The following ECPAS variants were observed in gnomAD, a reference collection of about 807,000 sequenced individuals.
ECPAS encodes proteasome adapter and scaffold protein ECM29.
Under a neutral mutation model 255.1 loss-of-function variants are expected in ECPAS, and 70 were observed. The ratio of observed to expected loss-of-function variants is 0.27; its 90% CI spans 0.23 to 0.33. The LOEUF is 0.33. ECPAS is among the 10% of genes least tolerant of loss of function. The pLI is 1.00. For synonymous variants in ECPAS, 784 were observed against 775.0 expected, an observed-to-expected ratio of 1.01 and a Z score of -0.19; for missense variants, 1,817 against 2,206.4, an observed-to-expected ratio of 0.82 and a Z score of 3.54.
At chr9:111,483,242 C>A (rs1166507047) in intron 1 of ECPAS, among the ~76,000 whole-genome samples, 2 of 152,062 alleles carry the variant, frequency 1.3e-5, no homozygotes, top group Admixed American at 6.5e-5. Flanking sequence ...CGGGCCAGGG[C>A]GGATCGCGGG....
At chr9:111,402,294 G>T (rs2098177372) in intron 24 of ECPAS, among the ~76,000 whole-genome samples, 1 of 152,032 alleles carries the variant, frequency 6.6e-6, no homozygotes, top group Non-Finnish European at 1.5e-5. Context: ...GACTTTCCTG[G>T]GTAAACAAAA....
intron 48 of ECPAS, among the ~76,000 whole-genome samples, chr9:111,364,593 C>T (rs1022285925): frequency 1.3e-5 from 2 of 152,082 alleles, no homozygotes; most frequent in Non-Finnish European, 2.9e-5. Context: ...GAAGAATCAT[C>T]AATGCATGCT....
chr9:111,425,558 G>A (rs935505004), intron 11 of ECPAS, 62 bp from the exon 12 acceptor site: 1 of 1,207,864 alleles, frequency 8.3e-7, no homozygotes, highest in African/African-American at 1.5e-5. Flanking sequence ...TATCTTTACG[G>A]ATGATTACAT....
At chr9:111,380,063 A>G (rs563166702) in intron 35 of ECPAS, among the ~76,000 whole-genome samples, 23 of 152,338 alleles carry the variant, frequency 1.5e-4, no homozygotes, top group South Asian at 1.4e-3. Flanking sequence ...AAGGTTTTCA[A>G]TTTACTTTGC....
chr9:111,399,501 G>A (rs1207273462), intron 24 of ECPAS, among the ~76,000 whole-genome samples: 1 of 152,202 alleles, frequency 6.6e-6, no homozygotes, highest in Non-Finnish European at 1.5e-5. Context: ...CACAGCATCA[G>A]GCAGAATTCT....
intron 25 of ECPAS, among the ~76,000 whole-genome samples, chr9:111,396,040 TA>T (rs1347245832): frequency 6.6e-6 from 1 of 152,224 alleles, no homozygotes; most frequent in African/African-American, 2.4e-5. Context: ...AGTTAAATGT[TA>T]ACTGTAACAC....
intron 2 of ECPAS, among the ~76,000 whole-genome samples, chr9:111,469,764 G>A (rs961029986): frequency 2.0e-5 from 3 of 151,722 alleles, no homozygotes; most frequent in African/African-American, 4.8e-5. Context: ...AGCCGAGATC[G>A]CGCCACTGCA....
At chr9:111,458,655 G>C (rs1455786185) in intron 2 of ECPAS, among the ~76,000 whole-genome samples, 1 of 151,810 alleles carries the variant, frequency 6.6e-6, no homozygotes, top group East Asian at 1.9e-4. Flanking sequence ...AGGGTGGGGG[G>C]GGTGTTAGAA....
intron 30 of ECPAS, 90 bp from the exon 31 acceptor site, chr9:111,389,813 A>G: frequency 7.5e-7 from 1 of 1,333,186 alleles, no homozygotes. Context: ...TTATGCCTAA[A>G]TACAGCCTGA....
chr9:111,366,430 A>C, intron 47 of ECPAS, 92 bp downstream of exon 47: 5 of 1,271,444 alleles, frequency 3.9e-6, no homozygotes, highest in Non-Finnish European at 5.6e-6. Flanking sequence ...CACTTTAGCT[A>C]CCAGTTTTTA....
chr9:111,478,683 G>A (rs2098299685), intron 1 of ECPAS, among the ~76,000 whole-genome samples: 1 of 152,130 alleles, frequency 6.6e-6, no homozygotes, highest in African/African-American at 2.4e-5. Context: ...ATGCAAGGCA[G>A]AAAATGTTCA....
chr9:111,411,180 C>T, intron 21 of ECPAS, 38 bp from the exon 22 acceptor site: 1 of 1,601,398 alleles, frequency 6.2e-7, no homozygotes, highest in East Asian at 2.2e-5. Context: ...CTCTGGCTCT[C>T]TCTCATATAC....
At chr9:111,362,244 A>G in intron 49 of ECPAS, 75 bp from the exon 50 acceptor site, 1 of 1,316,276 alleles carries the variant, frequency 7.6e-7, no homozygotes, top group Non-Finnish European at 1.0e-6. Flanking sequence ...AAGAATCCTT[A>G]TAGAACAAGC....
At position 111,372,688 on chromosome 9, in the gene ECPAS, A is replaced by T. The variant is rs529751856; in HGVS notation, c.4337-68T>A. ...TAAGGGTAACTGATCTAAACAGGCTATTGTTCAACTCATATAATAGCAAAA... is the reference window on the plus strand; with the variant it reads ...TAAGGGTAACTGATCTAAACAGGCTTTTGTTCAACTCATATAATAGCAAAA... On this transcript the variant is annotated intron_variant, in intron 41 of 49. Coordinates refer to ENST00000684092, the MANE Select transcript of ECPAS (RefSeq NM_001364929.1). 92 of 1,203,336 alleles carry T rather than the reference A, an allele frequency of 7.6e-5. No individual in the cohort carries two copies. The East Asian group carries it at 2.3e-3, about 29-fold the overall frequency. 74.5% of individuals were successfully genotyped at this position (1,203,336 alleles called of 1,614,324 possible). A position where few individuals can be genotyped will look rare whatever the true frequency, so the allele number is the denominator to read the frequency against.
chr9:111,477,033 G>A (rs1313315633), intron 1 of ECPAS, among the ~76,000 whole-genome samples: 1 of 150,944 alleles, frequency 6.6e-6, no homozygotes, highest in East Asian at 2.0e-4. Context: ...AACTCCCAAC[G>A]TCAGGTGATC....
chr9:111,438,104 C>T lies in ECPAS; in HGVS notation c.540-996G>A, dbSNP rs186291933. On this transcript the variant is annotated intron_variant, in intron 6 of 49. Coordinates refer to ENST00000684092, the MANE Select transcript of ECPAS (RefSeq NM_001364929.1). ...CTTTAATGTTATTATATAAATGACC[C>T]AAGTTCTCATTAGTAAGAAAAATGT... 5.3e-4 allele frequency among the ~76,000 whole-genome samples: 81 copies of T among 152,068 alleles called. 1 individual carries two copies. Among genetic ancestry groups the T allele is most frequent in the African/African-American group, 1.8e-3 (75 of 41,482 alleles).
chr9:111,366,925 T>C (rs568966721), intron 46 of ECPAS, among the ~76,000 whole-genome samples: 4 of 152,286 alleles, frequency 2.6e-5, no homozygotes, highest in Admixed American at 1.3e-4. Context: ...TTCACAAATA[T>C]TCACTTTCAA....
chr9:111,390,639 T>C (rs1313797887), intron 29 of ECPAS, among the ~76,000 whole-genome samples: 2 of 152,180 alleles, frequency 1.3e-5, no homozygotes, highest in Non-Finnish European at 2.9e-5. Context: ...CAACTTTTGA[T>C]GTGATAACAG....
At chr9:111,482,835 C>T (rs1394801367) in intron 1 of ECPAS, among the ~76,000 whole-genome samples, 1 of 145,918 alleles carries the variant, frequency 6.9e-6, no homozygotes, top group Non-Finnish European at 1.5e-5. Context: ...GCGGGCGGGG[C>T]GGCCTGGGAT....
Sources: allele counts gnomAD v4.1 joint callset (sites outside exome capture counted in the v4.1 genomes callset), GRCh38; gene constraint gnomAD v4.1.1; transcripts MANE v1.5; gene names NCBI Gene and HGNC (gene_info 2026-07-23, HGNC 2026-07-21).